RBFOX1: variants seen among roughly 807,000 people sequenced by gnomAD.
RBFOX1 encodes RNA binding fox-1 homolog 1.
Under a neutral mutation model 57.7 loss-of-function variants are expected in RBFOX1, and 8 were observed. That is an observed-to-expected ratio of 0.14 (90% CI 0.08 to 0.25). RBFOX1 has a LOEUF of 0.25. RBFOX1 is among the 10% of genes least tolerant of loss of function. The pLI, the probability that RBFOX1 is intolerant of heterozygous loss-of-function variation, is 1.00. For missense variants in RBFOX1, 611 were observed against 548.5 expected (o/e 1.11, Z -1.14); for synonymous variants, 326 against 222.4 (o/e 1.47, Z -4.15).
At chr16:6,670,239 T>C (rs1156241706) in intron 3 of RBFOX1, among the ~76,000 whole-genome samples, 1 of 152,142 alleles carries the variant, frequency 6.6e-6, no homozygotes, top group Non-Finnish European at 1.5e-5. Flanking sequence ...ATGTTTTTTT[T>C]TTTAATTTTT....
intron 3 of RBFOX1, among the ~76,000 whole-genome samples, chr16:5,699,919 T>C (rs187776303): frequency 0.016 from 2,418 of 152,260 alleles, 76 homozygotes; most frequent in African/African-American, 0.054. Flanking sequence ...CTGCAAGTTC[T>C]GCCTCCCGGG....
At chr16:5,879,475 G>T (rs1017105103) in intron 4 of RBFOX1, among the ~76,000 whole-genome samples, 1 of 152,184 alleles carries the variant, frequency 6.6e-6, no homozygotes. Context: ...GACTACAGGT[G>T]TGTGCCACCA....
intron 4 of RBFOX1, among the ~76,000 whole-genome samples, chr16:5,985,244 G>A (rs1213763448): frequency 4.0e-5 from 6 of 151,400 alleles, no homozygotes; most frequent in East Asian, 3.9e-4. Flanking sequence ...CATCCCCCTC[G>A]GCCTCCCAAA....
chr16:6,161,028 C>G (rs1156347409), intron 1 of RBFOX1, among the ~76,000 whole-genome samples: 1 of 152,160 alleles, frequency 6.6e-6, no homozygotes, highest in African/African-American at 2.4e-5. Context: ...TGGTGTTTCC[C>G]AGCTTTATTC....
At chr16:6,014,003 C>T (rs985932171) in intron 4 of RBFOX1, among the ~76,000 whole-genome samples, 4 of 151,796 alleles carry the variant, frequency 2.6e-5, no homozygotes, top group African/African-American at 9.7e-5. Context: ...AGGAGATACA[C>T]CTAATGTTAA....
intron 3 of RBFOX1, among the ~76,000 whole-genome samples, chr16:5,760,398 A>G: frequency 6.6e-6 from 1 of 152,272 alleles, no homozygotes; most frequent in East Asian, 1.9e-4. Flanking sequence ...ATACATACAC[A>G]CACACATACA....
chr16:7,666,498 G>A (rs998899190), intron 13 of RBFOX1, among the ~76,000 whole-genome samples: 1 of 152,074 alleles, frequency 6.6e-6, no homozygotes, highest in African/African-American at 2.4e-5. Flanking sequence ...ATAATTTATT[G>A]AATCATTAAT....
intron 12 of RBFOX1, among the ~76,000 whole-genome samples, chr16:7,658,477 C>T (rs557678476): frequency 6.6e-6 from 1 of 152,138 alleles, no homozygotes; most frequent in Non-Finnish European, 1.5e-5. Context: ...CCCAGTCTAG[C>T]TTCCTATGAC....
chr16:6,718,375 A>G (rs1603457975), intron 3 of RBFOX1, among the ~76,000 whole-genome samples: 1 of 152,300 alleles, frequency 6.6e-6, no homozygotes, highest in South Asian at 2.1e-4. Flanking sequence ...TAAGGAAGTA[A>G]CTCTAGCTGA....
chr16:6,526,933 C>T (rs1225083982), intron 2 of RBFOX1, among the ~76,000 whole-genome samples: 3 of 146,742 alleles, frequency 2.0e-5, no homozygotes, highest in East Asian at 2.0e-4. Context: ...GATATAATCA[C>T]AGAGAGATTA....
rs150385796 is a variant in RBFOX1, at chr16:6,323,783, T to C, written c.-64+6726T>C. On this transcript the variant is annotated intron_variant, in intron 2 of 15. Transcript: ENST00000550418. ...GCATAGTAGTGAAGTCTGTGCTTTT[T>C]TTTTTTTGAGATAGAGTCTCACTCT... 4.7e-3 allele frequency among the ~76,000 whole-genome samples: 712 copies of C among 152,314 alleles called. 4 individuals are homozygous for C. Among genetic ancestry groups the C allele is most frequent in the African/African-American group, 0.017 (688 of 41,564 alleles).
intron 3 of RBFOX1, among the ~76,000 whole-genome samples, chr16:6,697,002 A>G (rs143953757): frequency 9.8e-4 from 149 of 152,338 alleles, no homozygotes; most frequent in African/African-American, 3.3e-3. Flanking sequence ...GACTGCATTT[A>G]AAAACTTCCA....
At chr16:6,314,337 G>A (rs913457892) in intron 1 of RBFOX1, among the ~76,000 whole-genome samples, 1 of 152,156 alleles carries the variant, frequency 6.6e-6, no homozygotes, top group Admixed American at 6.5e-5. Flanking sequence ...GCCTGGGTAG[G>A]CCAAGTCCAC....
intron 3 of RBFOX1, among the ~76,000 whole-genome samples, chr16:7,008,323 C>T (rs2093418685): frequency 6.6e-6 from 1 of 152,020 alleles, no homozygotes; most frequent in Non-Finnish European, 1.5e-5. Flanking sequence ...AGGTGGATCA[C>T]CTGAGGCCAG....
rs116460924 is a variant in RBFOX1, at chr16:6,077,067, A to G, written c.-127+57075A>G. On this transcript the variant is annotated intron_variant, in intron 1 of 15. Coordinates refer to ENST00000550418, the MANE Select transcript of RBFOX1 (RefSeq NM_018723.4). ...AATGTAGTTTTATTTACAGCTTCGT[A>G]AGCCTAGATGGGTAATCCTCTGTGG... Among the ~76,000 whole-genome samples, 146 of 152,324 alleles carry G rather than the reference A, an allele frequency of 9.6e-4. 1 individual carries two copies. The highest frequency in any genetic ancestry group is 3.2e-3 in the African/African-American group (131 of 41,570).
chr16:7,547,652 G>C (rs1348615718), intron 5 of RBFOX1, among the ~76,000 whole-genome samples: 1 of 152,172 alleles, frequency 6.6e-6, no homozygotes, highest in South Asian at 2.1e-4. Flanking sequence ...CCATTAAAAG[G>C]CATGTGCATT....
chr16:7,507,987 T>A lies in RBFOX1; in HGVS notation c.28-10160T>A, dbSNP rs188172324. On this transcript the variant is annotated intron_variant, in intron 4 of 15. Transcript: ENST00000550418. ...CTTTAACTCTTTGTCTATTTAAGTT[T>A]TTTTTTCTTTTCTTTTTGAGATGGA... is the stretch of plus-strand genomic sequence containing the variant. Among the ~76,000 whole-genome samples, 4 of 151,804 alleles carry A rather than the reference T, an allele frequency of 2.6e-5. No homozygotes were observed. The East Asian group carries it at 7.9e-4, about 30-fold the overall frequency.
chr16:7,414,360 T>A lies in RBFOX1; in HGVS notation c.28-103787T>A, dbSNP rs113831300. Among the ~76,000 whole-genome samples, 904 of 152,268 alleles carry A rather than the reference T, an allele frequency of 5.9e-3. 5 individuals carry two copies. The highest frequency in any genetic ancestry group is 0.021 in the African/African-American group (862 of 41,556). On this transcript the variant is annotated intron_variant, in intron 4 of 15. Coordinates refer to ENST00000550418, the MANE Select transcript of RBFOX1 (RefSeq NM_018723.4). ...GTAAAAGTAAGGTAAGAAGATAGAT[T>A]GGTGGTCAAAAGTCTTTCTGAGAAG...
intron 1 of RBFOX1, among the ~76,000 whole-genome samples, chr16:5,435,690 T>G (rs1167608626): frequency 6.6e-6 from 1 of 152,106 alleles, no homozygotes; most frequent in African/African-American, 2.4e-5. Flanking sequence ...AAGGGAAACA[T>G]GTGATCTCAA....
Sources: gnomAD v4.1 joint callset for allele counts (sites outside exome capture counted in the v4.1 genomes callset) on GRCh38, gnomAD v4.1.1 for gene constraint, MANE v1.5 for transcripts, NCBI Gene and HGNC (gene_info 2026-07-23, HGNC 2026-07-21) for gene names.